Variants in MATK observed in about 807,000 individuals in gnomAD.
MATK encodes the protein megakaryocyte-associated tyrosine kinase, also known as megakaryocyte-associated tyrosine-protein kinase.
MATK carries 41 observed loss-of-function variants against 59.8 expected under a neutral mutation model. The ratio of observed to expected loss-of-function variants is 0.69; its 90% CI spans 0.53 to 0.89. The LOEUF (loss-of-function observed/expected upper bound fraction) is 0.89. Among genes scored for constraint, MATK ranks in the 40% least tolerant of loss-of-function variants. MATK has a pLI of 0.00. For synonymous variants in MATK, 308 were observed against 306.1 expected, an observed-to-expected ratio of 1.01 and a Z score of -0.06; for missense variants, 593 against 719.6, an observed-to-expected ratio of 0.82 and a Z score of 2.01.
Position 3,783,870 on chromosome 19 carries a change from C to T in MATK, c.526G>A (p.Gly176Ser), listed in dbSNP as rs1407651400. ...VIHYRVLHRD[G>S]HLTIDEAVFF... ...ACGGCCTCATCGATTGTGAGGTGGC[C>T]GTCGCGGTGCAGCACGCGGTAGTGG... Residue 176 changes from glycine to serine, a missense_variant, in exon 6 of 14, where the codon GGC (glycine) becomes AGC (serine). Physicochemically the swap from Gly to Ser is moderately conservative, Grantham distance 56. Coordinates refer to ENST00000310132, the MANE Select transcript of MATK (RefSeq NM_139355.3). The T allele has an allele frequency of 7.4e-6, 12 of 1,613,026 alleles. No individual in the cohort carries two copies. The highest frequency in any genetic ancestry group is 2.2e-5 in the South Asian group (2 of 91,072).
At position 3,780,120 on chromosome 19, in the gene MATK, A is replaced by G. The variant is rs555548976; in HGVS notation, c.743-323T>C. Among the ~76,000 whole-genome samples the G allele has an allele frequency of 2.1e-4, 32 of 152,246 alleles. 1 individual carries two copies. The highest frequency in any genetic ancestry group is 7.2e-4 in the African/African-American group (30 of 41,554). On this transcript the variant is annotated intron_variant, in intron 8 of 13. Transcript: ENST00000310132. ...ACATGGAGAAACCCTGTCTCTAATG[A>G]AAATACAAAACTAGCCAGGTGTGGT... is the stretch of plus-strand genomic sequence containing the variant.
At chr19:3,792,075 A>G (rs1325434602) in intron 1 of MATK, among the ~76,000 whole-genome samples, 1 of 150,494 alleles carries the variant, frequency 6.6e-6, no homozygotes, top group Non-Finnish European at 1.5e-5. Context: ...ACCACTATAG[A>G]CCAGTCTGGC....
chr19:3,786,584 G>A (rs1413901610), upstream of MATK, among the ~76,000 whole-genome samples: 1 of 145,024 alleles, frequency 6.9e-6, no homozygotes, highest in Non-Finnish European at 1.5e-5. The surrounding 1 kb of genome is among the most constrained non-coding windows in gnomAD (Gnocchi z 4.1). Context: ...CGCCGCCAGT[G>A]CGCGCGGCGG....
In MATK at chr19:3,781,671, C is replaced by T. The variant is rs369116285; in HGVS notation, c.678G>A (p.Ala226=). 2.2e-5 allele frequency: 35 copies of T among 1,612,922 alleles called. No individual in the cohort carries two copies. The highest frequency in any genetic ancestry group is 4.4e-5 in the South Asian group (4 of 91,076). The change falls in exon 8 of 14, where the codon GCG becomes GCA. Residue 226 remains alanine, a splice_region_variant and synonymous_variant. Coordinates refer to ENST00000310132, the MANE Select transcript of MATK (RefSeq NM_139355.3). Reference sequence around the variant, plus strand: ...AATGCTGCAGGTTCAGTAACCAGCCCGCTGTGGAGTGAAGACCCAGTCAGA... The same window carrying T: ...AATGCTGCAGGTTCAGTAACCAGCCTGCTGTGGAGTGAAGACCCAGTCAGA... ...TKSAEEELAR[A]GWLLNLQHLT...
At chr19:3,790,899 T>G (rs1410911978), upstream of MATK, among the ~76,000 whole-genome samples, 31 of 152,072 alleles carry the variant, frequency 2.0e-4, no homozygotes, top group Admixed American at 2.0e-3. Flanking sequence ...CGTCTCTCCT[T>G]GGTCTTGGTG....
upstream of MATK, among the ~76,000 whole-genome samples, chr19:3,788,125 A>G (rs2145107892): frequency 6.8e-6 from 1 of 146,888 alleles, no homozygotes; most frequent in East Asian, 2.0e-4. Flanking sequence ...ATATTATATT[A>G]TATTATATTA....
intron 8 of MATK, among the ~76,000 whole-genome samples, chr19:3,781,232 G>A (rs1327452789): frequency 2.0e-5 from 3 of 152,126 alleles, no homozygotes; most frequent in Admixed American, 2.0e-4. Context: ...CCACAAAGCA[G>A]GAAATATTTA....
At chr19:3,797,069 A>G (rs2037601930) in intron 1 of MATK, among the ~76,000 whole-genome samples, 1 of 151,920 alleles carries the variant, frequency 6.6e-6, no homozygotes, top group African/African-American at 2.4e-5. Flanking sequence ...CATTGTGCTG[A>G]GTACTTGGTG....
upstream of MATK, among the ~76,000 whole-genome samples, chr19:3,790,256 T>C (rs2145110297): frequency 6.6e-6 from 1 of 152,286 alleles, no homozygotes; most frequent in Non-Finnish European, 1.5e-5. Context: ...CCCTTCCTTA[T>C]ACCAGCCTGA....
chr19:3,793,213 T>C (rs1436575027), intron 1 of MATK: 5 of 152,230 alleles, frequency 3.3e-5, no homozygotes, highest in Non-Finnish European at 5.9e-5. Context: ...GACAGGTTGT[T>C]TTCCAGCCAC....
chr19:3,782,848 T>G, intron 7 of MATK: 1 of 483,846 alleles, frequency 2.1e-6, no homozygotes, highest in South Asian at 2.5e-5. Flanking sequence ...AAGGAGGGAA[T>G]GCTGGAGGAT....
At chr19:3,782,481 G>T (rs1053660350) in intron 7 of MATK, among the ~76,000 whole-genome samples, 4 of 152,214 alleles carry the variant, frequency 2.6e-5, no homozygotes, top group Non-Finnish European at 5.9e-5. Context: ...CACTACTTAG[G>T]GGCTGGAAAA....
intron 1 of MATK, among the ~76,000 whole-genome samples, chr19:3,800,910 G>A (rs184970716): frequency 6.0e-4 from 91 of 152,042 alleles, no homozygotes; most frequent in South Asian, 1.2e-3. Context: ...ATCCACGCTG[G>A]AGTGCAGTGG....
chr19:3,794,288 G>C (rs2037572069), intron 1 of MATK, among the ~76,000 whole-genome samples: 1 of 152,110 alleles, frequency 6.6e-6, no homozygotes, highest in African/African-American at 2.4e-5. Context: ...GACCAGCCCT[G>C]GGCCCGGCAA....
In MATK at chr19:3,795,919, G is replaced by A. The variant is rs1463649536; in HGVS notation, c.-58+5613C>T. 4.0e-5 allele frequency among the ~76,000 whole-genome samples: 6 copies of A among 151,538 alleles called. No homozygotes were observed. The East Asian group carries it at 9.8e-4, about 25-fold the overall frequency. ...TAGGATTACAGGCACGCGCCATCAC[G>A]CCTGGCTAATTTTTGTATTTTTAGT... On this transcript the variant is annotated intron_variant, in intron 1 of 13. Coordinates refer to the MATK transcript ENST00000395045.
intron 2 of MATK, 26 bp downstream of exon 2, chr19:3,785,038 A>G (rs778570835): frequency 4.4e-5 from 71 of 1,607,436 alleles, no homozygotes; most frequent in Non-Finnish European, 5.7e-5. Flanking sequence ...TGGCTCCCCA[A>G]GCCCCTGTGG....
chr19:3,789,529 G>A (rs1343175802), upstream of MATK: 2 of 513,318 alleles, frequency 3.9e-6, no homozygotes, highest in East Asian at 3.2e-5. Flanking sequence ...GCGGACTTAA[G>A]GAGCTGGTGT....
rs375541440 is a variant in MATK at position 3,785,105 on chromosome 19, G to T, written c.31C>A (p.Arg11=). 4.3e-6 allele frequency: 7 copies of T among 1,613,976 alleles called. No homozygotes were observed. The highest frequency in any genetic ancestry group is 2.2e-5 in the East Asian group (1 of 44,882). MAGRGSLVSW[R]AFHGCDSAEE... is the part of the protein sequence containing the mutation. ...GCAGAATCACAGCCGTGAAATGCCC[G>T]CCAGGAAACCAGAGAGCCTCGCCCC... The change falls in exon 2 of 14, where the codon CGG becomes AGG. Residue 11 remains arginine (R), a synonymous_variant. Transcript: ENST00000310132.
intron 7 of MATK, among the ~76,000 whole-genome samples, chr19:3,782,588 A>G (rs1211151710): frequency 6.6e-6 from 1 of 152,228 alleles, no homozygotes; most frequent in Non-Finnish European, 1.5e-5. Context: ...GTGTGGAGGA[A>G]GGGCTTTGCA....
Sources: allele counts gnomAD v4.1 joint callset (sites outside exome capture counted in the v4.1 genomes callset), GRCh38; gene constraint gnomAD v4.1.1; non-coding constraint Gnocchi (gnomAD v3.1); transcripts MANE v1.5; gene names NCBI Gene and HGNC (gene_info 2026-07-23, HGNC 2026-07-21).